Variants in KLHL13 observed in about 807,000 individuals in gnomAD.
KLHL13 encodes kelch-like protein 13.
Under a neutral mutation model 37.1 loss-of-function variants are expected in KLHL13, and 10 were observed. The ratio of observed to expected loss-of-function variants is 0.27; its 90% CI spans 0.17 to 0.46. The LOEUF (loss-of-function observed/expected upper bound fraction) is 0.46. Among genes scored for constraint, KLHL13 ranks in the 20% least tolerant of loss-of-function variants. The probability of loss-of-function intolerance (pLI) is 1.00; values close to 1 mark genes in which losing one functional copy is unlikely to be tolerated. For synonymous variants in KLHL13, 163 were observed against 181.2 expected (o/e 0.90, Z 0.81); for missense variants, 360 against 509.3 (o/e 0.71, Z 2.82).
At chrX:117,946,533 A>G (rs1052245796) in intron 1 of KLHL13, 1 of 112,129 alleles carries the variant, frequency 8.9e-6, no homozygotes, top group Non-Finnish European at 1.9e-5. Context: ...CTCCATAGGT[A>G]TACATTGCTA....
intron 1 of KLHL13, among the ~76,000 whole-genome samples, chrX:118,054,361 T>G (rs1253146167): frequency 1.8e-5 from 2 of 111,688 alleles, no homozygotes; most frequent in Non-Finnish European, 1.9e-5. Flanking sequence ...AAAATATTAT[T>G]AAGTTCCAAG....
intron 1 of KLHL13, among the ~76,000 whole-genome samples, chrX:118,109,849 T>G (rs1203880117): frequency 9.0e-6 from 1 of 111,254 alleles, no homozygotes; most frequent in Non-Finnish European, 1.9e-5. Flanking sequence ...CTTTGAGACA[T>G]GTAATTACTG....
intron 1 of KLHL13, among the ~76,000 whole-genome samples, chrX:118,092,586 G>A (rs972216273): frequency 1.8e-5 from 2 of 111,353 alleles, no homozygotes; most frequent in African/African-American, 6.5e-5. Context: ...GATAAAAGAG[G>A]GTATCTTGGA....
At chrX:118,050,879 G>C (rs1215889558) in intron 1 of KLHL13, among the ~76,000 whole-genome samples, 1 of 112,248 alleles carries the variant, frequency 8.9e-6, no homozygotes, top group African/African-American at 3.2e-5. Flanking sequence ...TTGGAGACAT[G>C]TGAAGCACAA....
intron 1 of KLHL13, among the ~76,000 whole-genome samples, chrX:118,049,373 A>G (rs1330086149): frequency 1.8e-5 from 2 of 112,266 alleles, no homozygotes; most frequent in Non-Finnish European, 3.8e-5. Flanking sequence ...TAGCAGCATT[A>G]CAAAAATTCA....
At chrX:118,025,493 A>AG (rs1304093128) in intron 1 of KLHL13, among the ~76,000 whole-genome samples, 1 of 111,494 alleles carries the variant, frequency 9.0e-6, no homozygotes, top group Non-Finnish European at 1.9e-5. Context: ...TTCAGTTAGT[A>AG]GATCAACTGC....
chrX:118,052,349 TAAA>T (rs35585378), intron 1 of KLHL13, among the ~76,000 whole-genome samples: 3 of 86,236 alleles, frequency 3.5e-5, no homozygotes, highest in Admixed American at 1.3e-4. Context: ...CCGTCTCTAC[TAAA>T]AAAAAAAAAA....
chrX:118,060,270 G>C (rs1267562279), intron 1 of KLHL13, among the ~76,000 whole-genome samples: 3 of 111,493 alleles, frequency 2.7e-5, no homozygotes, highest in Admixed American at 9.5e-5. Context: ...GGCACAATGA[G>C]GGTAATCCTT....
chrX:117,897,976 GAGA>G (rs977923693), exon 7 of KLHL13: 6 of 111,875 alleles, frequency 5.4e-5, no homozygotes, highest in East Asian at 5.7e-4. Context: ...AACAGCAAAG[GAGA>G]AGGAGTAGAA....
chrX:118,019,652 C>G (rs1473484210), intron 1 of KLHL13, among the ~76,000 whole-genome samples: 1 of 111,219 alleles, frequency 9.0e-6, no homozygotes, highest in East Asian at 2.8e-4. Context: ...TTTAATCCAT[C>G]TTGAATTGAT....
intron 1 of KLHL13, among the ~76,000 whole-genome samples, chrX:118,004,980 G>C (rs764120295): frequency 4.4e-4 from 50 of 112,368 alleles, no homozygotes; most frequent in African/African-American, 1.6e-3. Flanking sequence ...TCAAGGTCAT[G>C]AAAGTCAAGA....
chrX:118,089,465 C>T (rs1212716664), intron 1 of KLHL13, among the ~76,000 whole-genome samples: 1 of 108,283 alleles, frequency 9.2e-6, no homozygotes, highest in Non-Finnish European at 1.9e-5. Context: ...TGTCTAGACC[C>T]ACCTGGCAGT....
chrX:118,013,607 A>G (rs757245432), intron 1 of KLHL13, among the ~76,000 whole-genome samples: 5 of 112,113 alleles, frequency 4.5e-5, no homozygotes, highest in Non-Finnish European at 7.5e-5. Context: ...CAATGTGACA[A>G]ACAAAATGTA....
intron 1 of KLHL13, among the ~76,000 whole-genome samples, chrX:118,053,096 A>G (rs1345448152): frequency 9.0e-6 from 1 of 111,694 alleles, no homozygotes; most frequent in East Asian, 2.8e-4. Context: ...AATATTCTAA[A>G]AACATAACAG....
intron 1 of KLHL13, among the ~76,000 whole-genome samples, chrX:118,019,125 C>T (rs759647449): frequency 1.8e-5 from 2 of 110,988 alleles, no homozygotes; most frequent in South Asian, 7.7e-4. Flanking sequence ...TAACTATTGT[C>T]CTCATGCCAT....
chrX:117,906,484 ACTT>A (rs1307305120), intron 5 of KLHL13, among the ~76,000 whole-genome samples: 2 of 111,112 alleles, frequency 1.8e-5, no homozygotes, highest in African/African-American at 6.5e-5. Context: ...AAGACAATCT[ACTT>A]CTTGCTTCTA....
intron 1 of KLHL13, among the ~76,000 whole-genome samples, chrX:117,954,908 C>A (rs888293638): frequency 8.9e-6 from 1 of 111,850 alleles, no homozygotes; most frequent in Non-Finnish European, 1.9e-5. Context: ...AATGGGTATT[C>A]CAACCCCTTC....
At chrX:118,031,508 TAC>T (rs1261654365) in intron 1 of KLHL13, among the ~76,000 whole-genome samples, 7 of 71,003 alleles carry the variant, frequency 9.9e-5, no homozygotes, top group African/African-American at 5.6e-4. Context: ...TATATATATA[TAC>T]ACACACATAT....
intron 1 of KLHL13, among the ~76,000 whole-genome samples, chrX:118,031,034 G>A (rs1325405026): frequency 9.0e-6 from 1 of 111,139 alleles, no homozygotes; most frequent in Non-Finnish European, 1.9e-5. Context: ...CTGAGGAGCA[G>A]GGAGTAGGTG....
Sources: gnomAD v4.1 joint callset for allele counts (sites outside exome capture counted in the v4.1 genomes callset) on GRCh38, gnomAD v4.1.1 for gene constraint, MANE v1.5 for transcripts, NCBI Gene and HGNC (gene_info 2026-07-23, HGNC 2026-07-21) for gene names.